PCED1A: variants seen among roughly 807,000 people sequenced by gnomAD.
PCED1A encodes the protein PC-esterase domain containing 1A, also known as PC-esterase domain-containing protein 1A.
PCED1A carries 20 observed loss-of-function variants against 41.9 expected under a neutral mutation model. That is an observed-to-expected ratio of 0.48 (90% CI 0.34 to 0.69). The LOEUF (loss-of-function observed/expected upper bound fraction) is 0.69. Among genes scored for constraint, PCED1A ranks in the 30% least tolerant of loss-of-function variants. The probability of loss-of-function intolerance (pLI) is 0.01; values close to 1 mark genes in which losing one functional copy is unlikely to be tolerated. For missense variants in PCED1A, 498 were observed against 602.1 expected (o/e 0.83, Z 1.81); for synonymous variants, 236 against 241.3 (o/e 0.98, Z 0.20).
At chr20:2,837,207 G>T (rs1410853539) in intron 6 of PCED1A, among the ~76,000 whole-genome samples, 1 of 152,094 alleles carries the variant, frequency 6.6e-6, no homozygotes, top group Non-Finnish European at 1.5e-5. Flanking sequence ...ATCTAAACAA[G>T]AAAATGGGGA....
At position 2,838,381 on chromosome 20, in the gene PCED1A, AG is replaced by A. The variant is rs1568616328; in HGVS notation, c.691del (p.Leu231SerfsTer32). ...TACTGCATGCCGGAAGTGAAAGTGG[AG>A]GTCTAGGACATCAAAGCAGTGGTCC... ...AGDHCFDVLD[L>X]HFHFRHAVQH... On this transcript the variant is annotated frameshift_variant, in exon 6 of 8. Coordinates refer to ENST00000360652, the MANE Select transcript of PCED1A (RefSeq NM_022760.6). LOFTEE classifies it high-confidence loss of function. The surrounding 1 kb of genome is among the most constrained non-coding windows in gnomAD (Gnocchi z 5.8). 2 of 1,614,242 alleles carry A rather than the reference AG, an allele frequency of 1.2e-6. No individual in the cohort carries two copies. Among genetic ancestry groups the A allele is most frequent in the Non-Finnish European group, 1.7e-6 (2 of 1,180,042 alleles).
At chr20:2,840,988 A>C, upstream of PCED1A, 1 of 679,046 alleles carries the variant, frequency 1.5e-6, no homozygotes, top group Non-Finnish European at 2.4e-6. Context: ...GCCTTTGGGC[A>C]GGGAGCCGGG....
At chr20:2,840,684 G>C (rs1467197747), upstream of PCED1A, 14 of 1,424,858 alleles carry the variant, frequency 9.8e-6, no homozygotes, top group East Asian at 3.5e-4. Context: ...CTCGCCACGT[G>C]ACCCGGACGG....
rs1013965900 is a variant in PCED1A, at chr20:2,836,259, C to T, written c.897G>A (p.Arg299=). ...EMNHPFQGSH[R]QTPDFGEHLA... ...GGTGCTCCCCGAAGTCTGGGGTCTG[C>T]CTATGGCTTCCCTGGAATGGATGAT... The change falls in exon 7 of 8, where the codon AGG becomes AGA. Residue 299 remains arginine (R), a synonymous_variant. Transcript: ENST00000360652. The T allele has an allele frequency of 1.9e-6, 3 of 1,614,118 alleles. No homozygotes were observed. Among genetic ancestry groups the T allele is most frequent in the Non-Finnish European group, 2.5e-6 (3 of 1,180,024 alleles).
At chr20:2,839,728 G>A (rs978466871) in intron 2 of PCED1A, 61 bp downstream of exon 2, 2 of 1,596,892 alleles carry the variant, frequency 1.3e-6, no homozygotes, top group African/African-American at 1.3e-5. Flanking sequence ...AAATGGTCCA[G>A]ACACACTGAA....
At chr20:2,840,163 G>GT in intron 1 of PCED1A, 48 bp downstream of exon 1, 1 of 378,770 alleles carries the variant, frequency 2.6e-6, no homozygotes, top group South Asian at 6.3e-5. Context: ...GCCTCGCCAC[G>GT]TGCCCGCCGC....
In PCED1A at chr20:2,836,272, T is replaced by C. The variant is rs1283626120; in HGVS notation, c.884A>G (p.Gln295Arg). Residue 295 changes from glutamine (Q) to arginine (R), a missense_variant, in exon 7 of 8, where the codon CAG (glutamine) becomes CGG (arginine). Gln to Arg is a conservative substitution (Grantham distance 43). Transcript: ENST00000360652. ...GTCTGGGGTCTGCCTATGGCTTCCC[T>C]GGAATGGATGATTCATCTCTGCCCA... ...EDWAEMNHPF[Q>R]GSHRQTPDFG... 1.9e-6 allele frequency: 3 copies of C among 1,614,140 alleles called. No individual in the cohort carries two copies. Among genetic ancestry groups the C allele is most frequent in the Admixed American group, 1.7e-5 (1 of 60,018 alleles).
chr20:2,839,535 A>ACGCTTTCG (rs1425253216), intron 2 of PCED1A, among the ~76,000 whole-genome samples: 1 of 152,226 alleles, frequency 6.6e-6, no homozygotes, highest in Non-Finnish European at 1.5e-5. Flanking sequence ...ACACAATGCA[A>ACGCTTTCG]CGCTTTCGTG....
rs559868140 is a variant in PCED1A, at chr20:2,836,449, C to T, written c.842-135G>A. On this transcript the variant is annotated intron_variant, in intron 6 of 7. Transcript: ENST00000360652. The stretch of plus-strand genomic sequence containing the variant: ...AGGCTGGAGCATCCTTGCCCTCTAC[C>T]CAGTTTTCCTCATTCCCTCTCATTT... The T allele has an allele frequency of 1.1e-4, 86 of 776,572 alleles. 1 individual carries two copies. In the South Asian group the frequency reaches 1.4e-3, roughly 13 times the overall value. The allele number at this position is 776,572 out of a possible 1,614,324, so 48.1% of individuals were successfully genotyped here. A position where few individuals can be genotyped will look rare whatever the true frequency, so the allele number is the denominator to read the frequency against.
rs2088835283 is a variant in PCED1A, at chr20:2,836,323, G to A, written c.842-9C>T. 1 of 1,612,686 alleles carries A rather than the reference G, an allele frequency of 6.2e-7. No homozygotes were observed. The highest frequency in any genetic ancestry group is 1.7e-5 in the Admixed American group (1 of 60,022). On this transcript the variant is annotated splice_polypyrimidine_tract_variant and intron_variant, in intron 6 of 7. Transcript: ENST00000360652. The stretch of plus-strand genomic sequence containing the variant: ...GTCCTCAATCCACGGGTCTAGGAAT[G>A]GGATGGTTGTTTTAGGTAGGCTTGG...
chr20:2,835,740 G>A (rs2088815454), intron 7 of PCED1A, 31 bp from the exon 8 acceptor site: 1 of 1,521,624 alleles, frequency 6.6e-7, no homozygotes, highest in Non-Finnish European at 8.8e-7. Flanking sequence ...ATAAGAGCAG[G>A]CTTCTGGCCA....
At position 2,838,761 on chromosome 20, in the gene PCED1A, A is replaced by G. The variant is rs749058541; in HGVS notation, c.444-15T>C. On this transcript the variant is annotated splice_polypyrimidine_tract_variant and intron_variant, in intron 4 of 7. Transcript: ENST00000360652. The surrounding 1 kb of genome is among the most constrained non-coding windows in gnomAD (Gnocchi z 5.8). ...AGCGACCATATCTGTTGGATAACAC[A>G]CAGGGTGGGCAAGAGCACAAGGGTG... The G allele has an allele frequency of 1.9e-6, 3 of 1,614,158 alleles. No individual in the cohort carries two copies. In the East Asian group the frequency reaches 6.7e-5, roughly 36 times the overall value.
upstream of PCED1A, chr20:2,841,098 G>A: frequency 1.9e-6 from 1 of 516,832 alleles, no homozygotes; most frequent in Non-Finnish European, 3.4e-6. Context: ...CTCGCTGAGG[G>A]AGGCAGCTCG....
chr20:2,840,835 G>T (rs756959064), upstream of PCED1A: 4 of 1,524,344 alleles, frequency 2.6e-6, no homozygotes, highest in Non-Finnish European at 2.7e-6. Context: ...CCGGTGAGCT[G>T]CCCCGCCCTC....
rs373653313 is a variant in PCED1A, at chr20:2,839,052, C to A, written c.235G>T (p.Val79Leu). Residue 79 changes from valine to leucine, a missense_variant, in exon 4 of 8, where the codon GTG (valine) becomes TTG (leucine). Physicochemically the swap from Val to Leu is conservative, Grantham distance 32. Transcript: ENST00000360652. ...GELSFEQDQLVAGGQLGELHN... is the reference protein window; with the variant it reads ...GELSFEQDQLLAGGQLGELHN... Reference sequence around the variant, plus strand: ...AGCTCGCCCAGCTGGCCCCCAGCCACCAGCTGGTCCTGTTCAAAGCTCAGC... The same window carrying A: ...AGCTCGCCCAGCTGGCCCCCAGCCAACAGCTGGTCCTGTTCAAAGCTCAGC... 5 of 1,613,382 alleles carry A rather than the reference C, an allele frequency of 3.1e-6. No individual in the cohort carries two copies. In the African/African-American group the frequency reaches 6.7e-5, roughly 22 times the overall value.
Position 2,839,207 on chromosome 20 carries a change from G to C in PCED1A, c.189C>G (p.Ala63=). Residue 63 remains alanine (A), a synonymous_variant, in exon 3 of 8, where the codon GCC becomes GCG. Coordinates refer to ENST00000360652, the MANE Select transcript of PCED1A (RefSeq NM_022760.6). ...LLQKDSLLTA[A]QLKAKGELSF... Reference sequence around the variant, plus strand: ...CTTCCCTCACCTTGGCTTTCAGCTGGGCAGCTGTGAGCAGTGAGTCTTTCT... The same window carrying C: ...CTTCCCTCACCTTGGCTTTCAGCTGCGCAGCTGTGAGCAGTGAGTCTTTCT... 1 of 1,613,664 alleles carries C rather than the reference G, an allele frequency of 6.2e-7. No homozygotes were observed. The highest frequency in any genetic ancestry group is 1.7e-4 in the Middle Eastern group (1 of 6,060).
At position 2,838,244 on chromosome 20, in the gene PCED1A, C is replaced by G. The variant is rs755951596; in HGVS notation, c.829G>C (p.Gly277Arg). The change falls in exon 6 of 8, where the codon GGC becomes CGC. Residue 277 changes from glycine to arginine, a missense_variant. By Grantham distance (125) the Gly-to-Arg change is moderately radical. Transcript: ENST00000360652. The surrounding 1 kb of genome is among the most constrained non-coding windows in gnomAD (Gnocchi z 5.8). ...DAWGVELPKR[G>R]YPPDPWIEDW... ...TGGTAGGGCTCACCAGGGGGATAGC[C>G]ACGCTTGGGCAGCTCCACGCCCCAG... The G allele has an allele frequency of 6.2e-7, 1 of 1,614,166 alleles. No homozygotes were observed. Among genetic ancestry groups the G allele is most frequent in the South Asian group, 1.1e-5 (1 of 91,076 alleles).
upstream of PCED1A, chr20:2,840,781 T>G (rs1320503435): frequency 6.5e-7 from 1 of 1,548,444 alleles, no homozygotes; most frequent in Non-Finnish European, 8.7e-7. Flanking sequence ...AGCCATGGAC[T>G]GCTACACGGC....
In PCED1A at chr20:2,839,786, C is replaced by G; in HGVS notation, c.124+3G>C. ...GAAGCGTCACCCTAGAAGAGGCACT[C>G]ACTGGAGTCCCCCAAGATGACCACG... On this transcript the variant is annotated splice_donor_region_variant and intron_variant, in intron 2 of 7. Transcript: ENST00000360652. The G allele has an allele frequency of 6.2e-7, 1 of 1,613,960 alleles. No individual in the cohort carries two copies. The highest frequency in any genetic ancestry group is 8.5e-7 in the Non-Finnish European group (1 of 1,179,892).
Sources: gnomAD v4.1 joint callset for allele counts (sites outside exome capture counted in the v4.1 genomes callset) on GRCh38, gnomAD v4.1.1 for gene constraint, Gnocchi (gnomAD v3.1) non-coding constraint, MANE v1.5 for transcripts, NCBI Gene and HGNC (gene_info 2026-07-23, HGNC 2026-07-21) for gene names.